KLF12: variants seen among roughly 807,000 people sequenced by gnomAD.
KLF12 encodes the protein Krueppel-like factor 12.
KLF12 carries 9 observed loss-of-function variants against 37.8 expected under a neutral mutation model. The ratio of observed to expected loss-of-function variants is 0.24; its 90% CI spans 0.14 to 0.42. The LOEUF is 0.42. Among genes scored for constraint, KLF12 ranks in the 10% least tolerant of loss-of-function variants. The probability of loss-of-function intolerance (pLI) is 1.00; values close to 1 mark genes in which losing one functional copy is unlikely to be tolerated. For missense variants in KLF12, 411 were observed against 516.0 expected, an observed-to-expected ratio of 0.80 and a Z score of 1.97; for synonymous variants, 208 against 202.1, an observed-to-expected ratio of 1.03 and a Z score of -0.25.
chr13:74,152,129 C>T, the KLF12 span, among the ~76,000 whole-genome samples: 1 of 152,156 alleles, frequency 6.6e-6, no homozygotes, highest in Non-Finnish European at 1.5e-5. Flanking sequence ...GTCCACTGGG[C>T]TCCTACAGTG....
In KLF12 at chr13:73,824,559, G is replaced by A. The variant is rs936460910; in HGVS notation, c.671-11272C>T. Among the ~76,000 whole-genome samples, 5 of 152,026 alleles carry A rather than the reference G, an allele frequency of 3.3e-5. No homozygotes were observed. The East Asian group carries it at 5.8e-4, about 18-fold the overall frequency. On this transcript the variant is annotated intron_variant, in intron 4 of 7. Coordinates refer to ENST00000377669, the MANE Select transcript of KLF12 (RefSeq NM_007249.5). ...TTCAAAAATGACTGGGAATATCTTC[G>A]AGCCAAAAGAACAGTATTACTGTAT... is the stretch of plus-strand genomic sequence containing the variant.
the KLF12 span, among the ~76,000 whole-genome samples, chr13:74,143,157 CTCT>C: frequency 8.0e-5 from 12 of 150,658 alleles, no homozygotes; most frequent in Non-Finnish European, 1.2e-4. Context: ...CTTCTCCTTC[CTCT>C]TCTTCTTCTT....
chr13:73,924,173 CG>C (rs1889262353), intron 3 of KLF12, among the ~76,000 whole-genome samples: 1 of 152,132 alleles, frequency 6.6e-6, no homozygotes, highest in Admixed American at 6.6e-5. Flanking sequence ...AAGTACATAA[CG>C]AAGTATATTA....
intron 2 of KLF12, among the ~76,000 whole-genome samples, chr13:73,984,172 T>C (rs1371817534): frequency 6.6e-6 from 1 of 152,188 alleles, no homozygotes; most frequent in African/African-American, 2.4e-5. Flanking sequence ...GTGGTGGATT[T>C]GAACTATCTC....
At chr13:73,830,962 A>C (rs1288812523) in intron 4 of KLF12, among the ~76,000 whole-genome samples, 1 of 151,450 alleles carries the variant, frequency 6.6e-6, no homozygotes, top group African/African-American at 2.4e-5. Flanking sequence ...ATCAATATTT[A>C]GCAACATGGA....
At chr13:74,269,655 G>A in the KLF12 span, among the ~76,000 whole-genome samples, 1 of 152,174 alleles carries the variant, frequency 6.6e-6, no homozygotes, top group Non-Finnish European at 1.5e-5. Flanking sequence ...AGGAGTTATA[G>A]TTTAGGGGTA....
At chr13:74,249,188 A>G in the KLF12 span, among the ~76,000 whole-genome samples, 1 of 151,944 alleles carries the variant, frequency 6.6e-6, no homozygotes, top group Non-Finnish European at 1.5e-5. Flanking sequence ...GGCAATAGTA[A>G]TATCCACTTT....
intron 1 of KLF12, among the ~76,000 whole-genome samples, chr13:74,112,966 G>C (rs185895559): frequency 6.6e-6 from 1 of 152,222 alleles, no homozygotes; most frequent in Admixed American, 6.5e-5. Flanking sequence ...ATAAGAAAAC[G>C]AAACAGCTTT....
intron 1 of KLF12, among the ~76,000 whole-genome samples, chr13:74,017,211 G>C (rs984458752): frequency 1.7e-5 from 2 of 117,512 alleles, no homozygotes; most frequent in African/African-American, 6.6e-5. Context: ...CTACACTTTA[G>C]TCAAAAAGTG....
the KLF12 span, among the ~76,000 whole-genome samples, chr13:74,222,722 C>A: frequency 1.3e-5 from 2 of 151,978 alleles, no homozygotes; most frequent in Admixed American, 6.6e-5. Context: ...AATTTAATAG[C>A]CTAAATAAAA....
intron 1 of KLF12, among the ~76,000 whole-genome samples, chr13:74,069,758 A>G (rs1874119638): frequency 6.6e-6 from 1 of 152,224 alleles, no homozygotes; most frequent in South Asian, 2.1e-4. Context: ...TAAGAAAGGT[A>G]TATCAGCATG....
chr13:73,768,163 T>C (rs935087430), intron 5 of KLF12, among the ~76,000 whole-genome samples: 2 of 152,200 alleles, frequency 1.3e-5, no homozygotes, highest in Non-Finnish European at 2.9e-5. Flanking sequence ...GGCAAGTTAT[T>C]TAACCTCTCT....
intron 3 of KLF12, among the ~76,000 whole-genome samples, chr13:73,890,704 A>G (rs1048027205): frequency 1.3e-5 from 2 of 152,048 alleles, no homozygotes; most frequent in Non-Finnish European, 2.9e-5. Context: ...CCTATCTTGA[A>G]AGAGATAAGT....
chr13:74,035,263 A>G (rs1167587536), intron 1 of KLF12, among the ~76,000 whole-genome samples: 1 of 152,214 alleles, frequency 6.6e-6, no homozygotes, highest in Non-Finnish European at 1.5e-5. Flanking sequence ...GCCTAATACA[A>G]TGCAGATGCT....
chr13:73,698,196 G>A (rs2137559438), intron 7 of KLF12, among the ~76,000 whole-genome samples: 1 of 151,648 alleles, frequency 6.6e-6, no homozygotes, highest in Non-Finnish European at 1.5e-5. Context: ...AAAGGGGGAG[G>A]GGAAAGGGAA....
chr13:74,113,882 T>C (rs535501351), intron 1 of KLF12, among the ~76,000 whole-genome samples: 6 of 152,346 alleles, frequency 3.9e-5, no homozygotes, highest in African/African-American at 1.2e-4. Context: ...CTAAGAATAT[T>C]TGTGATTTAT....
intron 1 of KLF12, among the ~76,000 whole-genome samples, chr13:74,045,001 G>C (rs1345245305): frequency 6.6e-6 from 1 of 152,170 alleles, no homozygotes; most frequent in East Asian, 1.9e-4. Context: ...TAGGTAGGTA[G>C]ATAGATAAGG....
intron 6 of KLF12, among the ~76,000 whole-genome samples, chr13:73,756,306 C>T (rs751000746): frequency 6.6e-5 from 10 of 152,054 alleles, no homozygotes; most frequent in South Asian, 2.1e-4. Flanking sequence ...TATGTGATAT[C>T]GCAATAACTA....
intron 3 of KLF12, among the ~76,000 whole-genome samples, chr13:73,873,402 C>T (rs796991825): frequency 1.6e-4 from 25 of 152,178 alleles, no homozygotes; most frequent in African/African-American, 3.1e-4. Context: ...TTTAAAGAGA[C>T]GGTAATTCTC....
Sources: gnomAD v4.1 joint callset for allele counts (sites outside exome capture counted in the v4.1 genomes callset) on GRCh38, gnomAD v4.1.1 for gene constraint, MANE v1.5 for transcripts, NCBI Gene and HGNC (gene_info 2026-07-23, HGNC 2026-07-21) for gene names.